SLC39A13: variants seen among roughly 807,000 people sequenced by gnomAD.
SLC39A13 encodes solute carrier family 39 member 13.
In SLC39A13, 18 loss-of-function variants were observed where a neutral mutation model predicts 38.7. That is an observed-to-expected ratio of 0.47 (90% confidence interval 0.32 to 0.69). The LOEUF is 0.69. Among genes scored for constraint, SLC39A13 ranks in the 30% least tolerant of loss-of-function variants. The pLI is 0.03. For synonymous variants in SLC39A13, 212 were observed against 219.1 expected (o/e 0.97, Z 0.29); for missense variants, 395 against 490.7 (o/e 0.80, Z 1.84).
intron 1 of SLC39A13, chr11:47,409,261 C>G (rs1268282316): frequency 6.6e-6 from 1 of 152,366 alleles, no homozygotes; most frequent in Non-Finnish European, 1.5e-5. Flanking sequence ...TGTGATCGGC[C>G]GGCTGGGCAC....
rs1489984449 is a variant in SLC39A13 at position 47,415,025 on chromosome 11, C to T, written c.920-14C>T. Reference sequence around the variant, plus strand: ...CGGGAGGTGGGGAGCACACACAGTGCCTTGGGTACCCAGTTGGGTGTTCTC... The same window carrying T: ...CGGGAGGTGGGGAGCACACACAGTGTCTTGGGTACCCAGTTGGGTGTTCTC... On this transcript the variant is annotated splice_polypyrimidine_tract_variant and intron_variant, in intron 8 of 9. Transcript: ENST00000362021. The T allele has an allele frequency of 6.2e-7, 1 of 1,613,256 alleles. No homozygotes were observed. Among genetic ancestry groups the T allele is most frequent in the East Asian group, 2.2e-5 (1 of 44,858 alleles).
chr11:47,407,930 G>T (rs1297261194), upstream of SLC39A13, among the ~76,000 whole-genome samples: 2 of 152,222 alleles, frequency 1.3e-5, no homozygotes, highest in African/African-American at 4.8e-5. Context: ...TCCCAGGTTT[G>T]GAGTTCCCAT....
In SLC39A13 at chr11:47,410,175, G is replaced by C; in HGVS notation, c.81G>C (p.Leu27Phe). 6.2e-7 allele frequency: 1 copy of C among 1,613,640 alleles called. No homozygotes were observed. The highest frequency in any genetic ancestry group is 8.5e-7 in the Non-Finnish European group (1 of 1,179,996). ...LFLTALALEL[L>F]ERAGGSQPAL... ...TCACTGCCCTTGCCCTGGAGCTCTTGGAAAGGGCTGGGGGTTCCCAGCCGG... is the reference window on the plus strand; with the variant it reads ...TCACTGCCCTTGCCCTGGAGCTCTTCGAAAGGGCTGGGGGTTCCCAGCCGG... The change falls in exon 2 of 10, where the codon TTG becomes TTC. Residue 27 changes from leucine to phenylalanine, a missense_variant. Transcript: ENST00000362021.
At chr11:47,410,024 G>T in intron 1 of SLC39A13, 63 bp from the exon 2 acceptor site, 2 of 1,599,966 alleles carry the variant, frequency 1.3e-6, no homozygotes, top group Non-Finnish European at 1.7e-6. Context: ...GAGGCGCCAC[G>T]TTTCCTAAGC....
chr11:47,413,368 A>C (rs1034035640), intron 4 of SLC39A13, 32 bp from the exon 5 acceptor site: 3 of 1,607,550 alleles, frequency 1.9e-6, no homozygotes, highest in Non-Finnish European at 2.6e-6. Flanking sequence ...GGGGCATCTA[A>C]TGTCACCTCT....
In SLC39A13 at chr11:47,408,627, T is replaced by TG. The variant is rs2095981626; in HGVS notation, c.-40dup. On this transcript the variant is annotated 5_prime_UTR_variant, in exon 1 of 10. Transcript: ENST00000362021. ...GGGCGCGGCACCGCAGCTGGATGGC[T>TG]GGGGCCGCCCGGATCGCCGCCGCCG... 1 of 145,516 alleles carries TG rather than the reference T, an allele frequency of 6.9e-6. No individual in the cohort carries two copies. Among genetic ancestry groups the TG allele is most frequent in the Non-Finnish European group, 1.5e-5 (1 of 65,454 alleles). 9.0% of individuals were successfully genotyped at this position (145,516 alleles called of 1,614,324 possible).
At chr11:47,412,584 C>A (rs1336210935) in intron 4 of SLC39A13, 117 bp downstream of exon 4, 1 of 1,553,060 alleles carries the variant, frequency 6.4e-7, no homozygotes, top group Non-Finnish European at 8.7e-7. Flanking sequence ...TGGCCCTCTC[C>A]TGGGAGCTGC....
intron 1 of SLC39A13, chr11:47,409,822 T>G: frequency 3.0e-4 from 122 of 408,106 alleles, no homozygotes; most frequent in Middle Eastern, 7.2e-4. Flanking sequence ...CACCCTGTCA[T>G]TAGGGAAAGT....
Position 47,415,455 on chromosome 11 carries a change from T to C in SLC39A13, c.*92T>C. On this transcript the variant is annotated 3_prime_UTR_variant, in exon 10 of 10. Transcript: ENST00000362021. The stretch of plus-strand genomic sequence containing the variant: ...ATATGTGAGAGGCAGAGAGGGCGAG[T>C]GGCTGCGAGAGAGAATGAGCCTCCC... 2 of 1,441,262 alleles carry C rather than the reference T, an allele frequency of 1.4e-6. No homozygotes were observed. The highest frequency in any genetic ancestry group is 1.9e-6 in the Non-Finnish European group (2 of 1,031,970). The allele number at this position is 1,441,262 out of a possible 1,614,324, so 89.3% of individuals were successfully genotyped here.
At position 47,415,127 on chromosome 11, in the gene SLC39A13, G is replaced by C. The variant is rs2096020328; in HGVS notation, c.1008G>C (p.Val336=). 1.9e-6 allele frequency: 3 copies of C among 1,612,862 alleles called. No homozygotes were observed. Among genetic ancestry groups the C allele is most frequent in the Non-Finnish European group, 2.5e-6 (3 of 1,179,440 alleles). ...TTCTCTACATCGCCTTGGTGAACGT[G>C]CTCCCTGACCTCTTGGAAGAAGAGG... ...GGFLYIALVN[V]LPDLLEEEDP... is the part of the protein sequence containing the mutation. The change falls in exon 9 of 10, where the codon GTG becomes GTC. Residue 336 remains valine (V), a synonymous_variant. Transcript: ENST00000362021.
chr11:47,415,530 C>T lies in SLC39A13; in HGVS notation c.*167C>T. The T allele has an allele frequency of 1.3e-6, 1 of 785,866 alleles. No individual in the cohort carries two copies. The allele number at this position is 785,866 out of a possible 1,614,324, so 48.7% of individuals were successfully genotyped here. On this transcript the variant is annotated 3_prime_UTR_variant, in exon 10 of 10. Transcript: ENST00000362021. ...GGATGTATGTGGTGTGCACATGTGG[C>T]CAGAGGTGTGTGCGCGAGACCGACA...
intron 3 of SLC39A13, 105 bp from the exon 4 acceptor site, chr11:47,412,241 T>TG (rs1160609793): frequency 3.9e-5 from 57 of 1,480,340 alleles, no homozygotes; most frequent in Middle Eastern, 4.4e-4. Context: ...AACCCACCCT[T>TG]GTCACTGCCC....
intron 7 of SLC39A13, 28 bp downstream of exon 7, chr11:47,414,503 G>T (rs1211872868): frequency 6.2e-7 from 1 of 1,608,850 alleles, no homozygotes; most frequent in Admixed American, 1.7e-5. Flanking sequence ...AGCCCCCAGG[G>T]GCCCAGGCCC....
Position 47,414,889 on chromosome 11 carries a change from C to G in SLC39A13, c.899C>G (p.Thr300Ser), listed in dbSNP as rs776957173. Residue 300 changes from threonine (T) to serine (S), a missense_variant, in exon 8 of 10, where the codon ACC (threonine) becomes AGC (serine). Thr to Ser is a moderately conservative substitution (Grantham distance 58). Coordinates refer to ENST00000362021, the MANE Select transcript of SLC39A13 (RefSeq NM_001128225.3). The part of the protein sequence containing the change: ...GLLGAGFAIC[T>S]QSPKGVVGCS... Reference sequence around the variant, plus strand: ...CTGGGCGCTGGCTTCGCCATCTGTACCCAGTCCCCCAAGGGAGTAGGTACG... The same window carrying G: ...CTGGGCGCTGGCTTCGCCATCTGTAGCCAGTCCCCCAAGGGAGTAGGTACG... The G allele has an allele frequency of 1.9e-6, 3 of 1,612,466 alleles. No homozygotes were observed. The Admixed American group carries it at 5.0e-5, about 27-fold the overall frequency.
upstream of SLC39A13, chr11:47,407,495 G>C (rs2095976755): frequency 6.6e-6 from 1 of 152,244 alleles, no homozygotes; most frequent in East Asian, 1.9e-4. Context: ...GAGGGTCAGA[G>C]ACTTAAGAGA....
Position 47,410,167 on chromosome 11 carries a change from G to C in SLC39A13, c.73G>C (p.Glu25Gln), listed in dbSNP as rs1209498433. ...CCTCTTCCTCACTGCCCTTGCCCTG[G>C]AGCTCTTGGAAAGGGCTGGGGGTTC... is the stretch of plus-strand genomic sequence containing the variant. ...RLLFLTALAL[E>Q]LLERAGGSQP... Residue 25 changes from glutamate (E) to glutamine (Q), a missense_variant, in exon 2 of 10, where the codon GAG (glutamate) becomes CAG (glutamine). By Grantham distance (29) the Glu-to-Gln change is conservative (BLOSUM62 2). Transcript: ENST00000362021. The C allele has an allele frequency of 6.2e-7, 1 of 1,613,524 alleles. No homozygotes were observed. Among genetic ancestry groups the C allele is most frequent in the Admixed American group, 1.7e-5 (1 of 60,018 alleles).
At position 47,414,408 on chromosome 11, in the gene SLC39A13, G is replaced by T. The variant is rs764970353; in HGVS notation, c.736-17G>T. 2 of 1,605,034 alleles carry T rather than the reference G, an allele frequency of 1.2e-6. No individual in the cohort carries two copies. The highest frequency in any genetic ancestry group is 1.7e-6 in the Non-Finnish European group (2 of 1,176,078). On this transcript the variant is annotated splice_polypyrimidine_tract_variant and intron_variant, in intron 6 of 9. Transcript: ENST00000362021. ...CCCTCAACACAGACCCCGCAGCCAC[G>T]GCTCCCCTCCCTGCAGATCGGGCTC...
Position 47,412,437 on chromosome 11 carries a change from C to G in SLC39A13, c.507C>G (p.Phe169Leu). The G allele has an allele frequency of 2.5e-6, 4 of 1,614,170 alleles. No homozygotes were observed. Among genetic ancestry groups the G allele is most frequent in the Non-Finnish European group, 3.4e-6 (4 of 1,180,016 alleles). The change falls in exon 4 of 10, where the codon TTC becomes TTG. Residue 169 changes from phenylalanine (F) to leucine (L), a missense_variant. By Grantham distance (22) the Phe-to-Leu change is conservative (BLOSUM62 0). Transcript: ENST00000362021. ...ILTFLALEKM[F>L]LDSKEEGTSQ... ...CCTTCCTGGCGTTGGAGAAGATGTT[C>G]CTGGACAGCAAGGAGGAGGGGACCA...
intron 7 of SLC39A13, 32 bp downstream of exon 7, chr11:47,414,507 C>T (rs1198539352): frequency 5.6e-6 from 9 of 1,606,198 alleles, no homozygotes; most frequent in Non-Finnish European, 7.7e-6. Flanking sequence ...CCCAGGGGCC[C>T]AGGCCCCCAC....
Sources: allele counts gnomAD v4.1 joint callset (sites outside exome capture counted in the v4.1 genomes callset), GRCh38; gene constraint gnomAD v4.1.1; transcripts MANE v1.5; gene names NCBI Gene and HGNC (gene_info 2026-07-23, HGNC 2026-07-21).